Variants in RNF115 observed in about 807,000 individuals in gnomAD.
RNF115 encodes the protein E3 ubiquitin-protein ligase RNF115.
A neutral mutation model predicts 39.2 loss-of-function variants in RNF115; 31 were observed. That is an observed-to-expected ratio of 0.79 (90% CI 0.59 to 1.07). The LOEUF (loss-of-function observed/expected upper bound fraction) is 1.07, where lower values mean the gene tolerates loss of function less well. RNF115 is among the 50% of genes least tolerant of loss of function. RNF115 has a pLI of 0.00. For synonymous variants in RNF115, 124 were observed against 131.0 expected, an observed-to-expected ratio of 0.95 and a Z score of 0.37; for missense variants, 384 against 381.7, an observed-to-expected ratio of 1.01 and a Z score of -0.05.
At chr1:145,808,243 G>GT (rs1433311566) in intron 1 of RNF115, among the ~76,000 whole-genome samples, 2 of 151,830 alleles carry the variant, frequency 1.3e-5, no homozygotes, top group Non-Finnish European at 2.9e-5. Context: ...GTAGTTTTCA[G>GT]TTTTTTTTGA....
intron 1 of RNF115, among the ~76,000 whole-genome samples, chr1:145,795,178 C>T (rs76103051): frequency 6.6e-6 from 1 of 151,914 alleles, no homozygotes; most frequent in Non-Finnish European, 1.5e-5. Flanking sequence ...AAAGTTGGCA[C>T]GTCCGGAATT....
chr1:145,803,668 G>A (rs995863855), intron 1 of RNF115, among the ~76,000 whole-genome samples: 1 of 152,202 alleles, frequency 6.6e-6, no homozygotes, highest in Non-Finnish European at 1.5e-5. Flanking sequence ...GATTAGAGGC[G>A]TGAGCCACCG....
chr1:145,813,973 C>A (rs144539736), intron 1 of RNF115, among the ~76,000 whole-genome samples: 99,464 of 123,266 alleles, frequency 0.81, 40,125 homozygotes, highest in Middle Eastern at 0.85. Context: ...GCCCCTAGTT[C>A]CAAAAATCAA....
rs1479847876 is a variant in RNF115 at position 145,739,767 on chromosome 1, A to T, written c.*7099T>A. ...GCTAATTTTTGTGTTTTTGGTAGAG[A>T]CGGGGTTTCACCATGTTGGCCAGGC... is the stretch of plus-strand genomic sequence containing the variant. On this transcript the variant is annotated 3_prime_UTR_variant, in exon 9 of 9. Coordinates refer to ENST00000582693, the MANE Select transcript of RNF115 (RefSeq NM_014455.4). 6.6e-6 allele frequency: 1 copy of T among 152,092 alleles called. No individual in the cohort carries two copies. Among genetic ancestry groups the T allele is most frequent in the Non-Finnish European group, 1.5e-5 (1 of 68,080 alleles). 9.4% of individuals were successfully genotyped at this position (152,092 alleles called of 1,614,324 possible). A position where few individuals can be genotyped will look rare whatever the true frequency, so the allele number is the denominator to read the frequency against.
intron 4 of RNF115, 66 bp from the exon 5 acceptor site, chr1:145,753,115 G>A: frequency 1.8e-6 from 2 of 1,081,436 alleles, no homozygotes; most frequent in Non-Finnish European, 2.8e-6. Flanking sequence ...GATATCCATG[G>A]CTGCCTAATC....
At chr1:145,752,931 A>G (rs782751215) in intron 5 of RNF115, 47 bp downstream of exon 5, 1 of 1,352,830 alleles carries the variant, frequency 7.4e-7, no homozygotes, top group Non-Finnish European at 1.1e-6. Flanking sequence ...CAGCACCTAA[A>G]ATATGTCACT....
rs56041636 is a variant in RNF115, at chr1:145,743,812, AAAT to A, written c.*3051_*3053del. The A allele has an allele frequency of 0.94, 135,815 of 143,932 alleles. 64,319 individuals carry two copies. The highest frequency in any genetic ancestry group is 0.99 in the East Asian group (4,936 of 4,990). The allele number at this position is 143,932 out of a possible 1,614,324, so 8.9% of individuals were successfully genotyped here. ...TAAATAAATAAATAAATAAATAAAT[AAAT>A]AATAATAATAATAATAATAAATCCC... is the stretch of plus-strand genomic sequence containing the variant. On this transcript the variant is annotated 3_prime_UTR_variant, in exon 9 of 9. Coordinates refer to ENST00000582693, the MANE Select transcript of RNF115 (RefSeq NM_014455.4).
chr1:145,799,680 C>T (rs1350112799), intron 1 of RNF115, among the ~76,000 whole-genome samples: 5 of 152,106 alleles, frequency 3.3e-5, no homozygotes, highest in Non-Finnish European at 7.4e-5. Context: ...GATCTTTGCT[C>T]ACTGCAGACT....
chr1:145,745,697 C>A lies in RNF115; in HGVS notation c.*1169G>T, dbSNP rs1378578556. On this transcript the variant is annotated 3_prime_UTR_variant, in exon 9 of 9. Coordinates refer to ENST00000582693, the MANE Select transcript of RNF115 (RefSeq NM_014455.4). ...GTCTTGATCTCTTGACCTTGTGATC[C>A]GCCTGCCTCGGCCTCCCAAAGTGCT... 6.6e-6 allele frequency: 1 copy of A among 151,414 alleles called. No individual in the cohort carries two copies. Among genetic ancestry groups the A allele is most frequent in the South Asian group, 2.1e-4 (1 of 4,778 alleles). 9.4% of individuals were successfully genotyped at this position (151,414 alleles called of 1,614,324 possible). A position where few individuals can be genotyped will look rare whatever the true frequency, so the allele number is the denominator to read the frequency against.
intron 1 of RNF115, among the ~76,000 whole-genome samples, chr1:145,804,499 G>GCACACA (rs35848173): frequency 1.3e-5 from 2 of 148,540 alleles, no homozygotes; most frequent in Admixed American, 6.7e-5. Flanking sequence ...ATGCATGCAT[G>GCACACA]CACACACACA....
chr1:145,780,618 TAAAAAAAAAAAAAAA>T (rs1205816224), intron 3 of RNF115, among the ~76,000 whole-genome samples: 1 of 64,526 alleles, frequency 1.5e-5, no homozygotes, highest in African/African-American at 6.0e-5. Flanking sequence ...AGACTCCGTC[TAAAAAAAAAAAAAAA>T]AAAAAAAAAG....
rs1255769125 is a variant in RNF115, at chr1:145,743,864, T to C, written c.*3002A>G. On this transcript the variant is annotated 3_prime_UTR_variant, in exon 9 of 9. Transcript: ENST00000582693. Reference sequence around the variant, plus strand: ...CCTGAAGAATCCTAACTCCTCAACATAAATTAACCTGGACATCTGAGGTGC... The same window carrying C: ...CCTGAAGAATCCTAACTCCTCAACACAAATTAACCTGGACATCTGAGGTGC... 1.3e-5 allele frequency: 2 copies of C among 151,312 alleles called. No individual in the cohort carries two copies. Among genetic ancestry groups the C allele is most frequent in the African/African-American group, 4.9e-5 (2 of 41,226 alleles). 9.4% of individuals were successfully genotyped at this position (151,312 alleles called of 1,614,324 possible).
intron 2 of RNF115, among the ~76,000 whole-genome samples, chr1:145,787,331 T>C (rs928523445): frequency 6.6e-6 from 1 of 152,190 alleles, no homozygotes; most frequent in Non-Finnish European, 1.5e-5. Flanking sequence ...CCCAACACTT[T>C]GGGAGGCCAA....
At chr1:145,747,629 T>A (rs1315326216) in intron 8 of RNF115, among the ~76,000 whole-genome samples, 1 of 151,940 alleles carries the variant, frequency 6.6e-6, no homozygotes, top group East Asian at 1.9e-4. Flanking sequence ...GGTGACAGAG[T>A]GAGACTCTGT....
chr1:145,759,000 T>C (rs1658403392), intron 4 of RNF115, among the ~76,000 whole-genome samples: 1 of 152,136 alleles, frequency 6.6e-6, no homozygotes, highest in Non-Finnish European at 1.5e-5. Context: ...ACGAGAAAAA[T>C]CAACCCACTG....
chr1:145,788,787 C>A, intron 2 of RNF115, 121 bp downstream of exon 2: 1 of 770,988 alleles, frequency 1.3e-6, no homozygotes, highest in East Asian at 2.5e-5. Context: ...CTCTCTCTCT[C>A]TCACTCTCGC....
intron 8 of RNF115, among the ~76,000 whole-genome samples, chr1:145,747,472 G>C (rs921714911): frequency 6.6e-6 from 1 of 152,086 alleles, no homozygotes; most frequent in Non-Finnish European, 1.5e-5. Flanking sequence ...GCGAAACCCT[G>C]TCTCTACTAA....
chr1:145,767,483 T>C (rs1263986882), intron 4 of RNF115, among the ~76,000 whole-genome samples: 124 of 144,630 alleles, frequency 8.6e-4, no homozygotes, highest in African/African-American at 3.0e-3. Context: ...CTCCTCACTT[T>C]CCAGACTGGG....
At chr1:145,808,250 T>C (rs1396501188) in intron 1 of RNF115, among the ~76,000 whole-genome samples, 3 of 152,204 alleles carry the variant, frequency 2.0e-5, no homozygotes, top group African/African-American at 4.8e-5. Flanking sequence ...TCAGTTTTTT[T>C]TGAAATATAT....
Sources: gnomAD v4.1 joint callset for allele counts (sites outside exome capture counted in the v4.1 genomes callset) on GRCh38, gnomAD v4.1.1 for gene constraint, MANE v1.5 for transcripts, NCBI Gene and HGNC (gene_info 2026-07-23, HGNC 2026-07-21) for gene names.